The following PCDHA5 variants were observed in gnomAD, a reference collection of about 807,000 sequenced individuals.
PCDHA5 encodes protocadherin alpha 5.
Under a neutral mutation model 61.6 loss-of-function variants are expected in PCDHA5, and 43 were observed. That is an observed-to-expected ratio of 0.70 (90% confidence interval 0.55 to 0.90). PCDHA5 has a LOEUF of 0.90. PCDHA5 is among the 40% of genes least tolerant of loss of function. PCDHA5 has a pLI of 0.00. For synonymous variants in PCDHA5, 627 were observed against 543.9 expected, an observed-to-expected ratio of 1.15 and a Z score of -2.13; for missense variants, 1,298 against 1,222.7, an observed-to-expected ratio of 1.06 and a Z score of -0.92.
At chr5:140,875,894 C>T in intron 1 of PCDHA5, 1 of 1,614,170 alleles carries the variant, frequency 6.2e-7, no homozygotes, top group Non-Finnish European at 8.5e-7. Context: ...CAAAAGGTAC[C>T]TGTTTCTGAA....
intron 1 of PCDHA5, chr5:140,835,064 A>G (rs2150230368): frequency 1.6e-6 from 2 of 1,216,012 alleles, no homozygotes; most frequent in East Asian, 2.6e-5. Flanking sequence ...GCACCGTTCA[A>G]TTACTCATCA....
At chr5:140,884,020 G>A (rs61734917) in intron 1 of PCDHA5, 5 of 1,613,174 alleles carry the variant, frequency 3.1e-6, no homozygotes, top group East Asian at 2.2e-5. Flanking sequence ...TGCCGCGGTC[G>A]GTGGGTGCAG....
rs371368253 is a variant in PCDHA5, at chr5:140,871,153, G to C, written c.2352+47026G>C. 77 of 1,613,298 alleles carry C rather than the reference G, an allele frequency of 4.8e-5. No homozygotes were observed. The African/African-American group carries it at 9.2e-4, about 19-fold the overall frequency. On this transcript the variant is annotated intron_variant, in intron 1 of 3. Transcript: ENST00000529859. ...AAAGGCCTCTTCCCGGACTTTGGCG[G>C]GCGCCGCGAGCCCAGAGGCTGCGCT...
chr5:140,984,878 C>G (rs2097124872), intron 3 of PCDHA5, among the ~76,000 whole-genome samples: 1 of 151,854 alleles, frequency 6.6e-6, no homozygotes, highest in African/African-American at 2.4e-5. Flanking sequence ...ATTGAGTTAC[C>G]ATGAGAACTA....
Position 140,848,391 on chromosome 5 carries a change from G to A in PCDHA5, c.2352+24264G>A. ...GGCTCAATTCTTTTTCACTCTCTCTGTGCTGAACGATGGCGAACACAGCAG... is the reference window on the plus strand; with the variant it reads ...GGCTCAATTCTTTTTCACTCTCTCTATGCTGAACGATGGCGAACACAGCAG... On this transcript the variant is annotated intron_variant, in intron 1 of 3. Coordinates refer to ENST00000529859, the MANE Select transcript of PCDHA5 (RefSeq NM_018908.3). The A allele has an allele frequency of 2.4e-6, 3 of 1,246,922 alleles. No homozygotes were observed. In the South Asian group the frequency reaches 4.3e-5, roughly 18 times the overall value. 77.2% of individuals were successfully genotyped at this position (1,246,922 alleles called of 1,614,324 possible).
chr5:140,841,459 C>T, intron 1 of PCDHA5: 2 of 1,612,886 alleles, frequency 1.2e-6, no homozygotes, highest in South Asian at 1.1e-5. Context: ...CCTTCGTGGG[C>T]CGGATCGCGC....
intron 1 of PCDHA5, chr5:140,871,249 C>A (rs782675743): frequency 8.1e-6 from 13 of 1,613,984 alleles, no homozygotes; most frequent in South Asian, 1.1e-5. Flanking sequence ...CACGCTGCTG[C>A]TGTATACGGC....
chr5:140,885,792 C>T (rs2060715375), intron 1 of PCDHA5, among the ~76,000 whole-genome samples: 1 of 151,834 alleles, frequency 6.6e-6, no homozygotes, highest in Non-Finnish European at 1.5e-5. Context: ...AGCATATTGT[C>T]ATATGTATTT....
chr5:140,851,954 GGT>G, intron 1 of PCDHA5: 1 of 974,722 alleles, frequency 1.0e-6, no homozygotes, highest in Non-Finnish European at 1.2e-6. Flanking sequence ...CTTTCAAAAT[GGT>G]GGTTTTCCAC....
At position 140,823,178 on chromosome 5, in the gene PCDHA5, C is replaced by G; in HGVS notation, c.1403C>G (p.Pro468Arg). 2 of 1,613,864 alleles carry G rather than the reference C, an allele frequency of 1.2e-6. No homozygotes were observed. The highest frequency in any genetic ancestry group is 2.2e-5 in the South Asian group (2 of 91,076). The change falls in exon 1 of 4, where the codon CCG becomes CGG. Residue 468 changes from proline (P) to arginine (R), a missense_variant. By Grantham distance (103) the Pro-to-Arg change is moderately radical. Coordinates refer to ENST00000529859, the MANE Select transcript of PCDHA5 (RefSeq NM_018908.3). ...QYTVFVKENN[P>R]PGCHIFTVSA... The stretch of plus-strand genomic sequence containing the variant: ...ACCGTGTTCGTGAAGGAGAACAACC[C>G]GCCAGGCTGCCACATCTTCACGGTG...
intron 1 of PCDHA5, chr5:140,849,556 C>T: frequency 6.3e-7 from 1 of 1,598,518 alleles, no homozygotes; most frequent in Non-Finnish European, 8.6e-7. Context: ...ACTATCAAAA[C>T]GCTCTCGGTT....
At position 140,927,603 on chromosome 5, in the gene PCDHA5, A is replaced by G. The variant is rs538616533; in HGVS notation, c.2353-51346A>G. On this transcript the variant is annotated intron_variant, in intron 1 of 3. Coordinates refer to ENST00000529859, the MANE Select transcript of PCDHA5 (RefSeq NM_018908.3). ...ACGCGCCTGTATTTGAGCGCTCCGT[A>G]TACCGCACCAAGGTTCCAGAGACTG... 8.1e-6 allele frequency: 13 copies of G among 1,614,190 alleles called. No homozygotes were observed. In the Admixed American group the frequency reaches 1.2e-4, roughly 14 times the overall value.
chr5:140,991,588 C>T (rs1252872687), intron 3 of PCDHA5, among the ~76,000 whole-genome samples: 3 of 152,212 alleles, frequency 2.0e-5, no homozygotes, highest in African/African-American at 7.2e-5. Flanking sequence ...TTATTTCTAC[C>T]TGAGCCCTCA....
intron 3 of PCDHA5, among the ~76,000 whole-genome samples, chr5:140,993,462 TCA>T (rs3836747): frequency 0.093 from 13,122 of 140,864 alleles, 629 homozygotes; most frequent in African/African-American, 0.12. Flanking sequence ...TCTTTCTTTC[TCA>T]CACACACACA....
At chr5:140,875,430 C>G in intron 1 of PCDHA5, 1 of 1,557,170 alleles carries the variant, frequency 6.4e-7, no homozygotes. Context: ...CAAGCGATCC[C>G]TTAAAACTGA....
At position 140,950,404 on chromosome 5, in the gene PCDHA5, T is replaced by C. The variant is rs947428237; in HGVS notation, c.2353-28545T>C. ...TTGAATGATATAGAATTCTGGGGGATTGACAGATTTTATTTTCTTCCACTT... is the reference window on the plus strand; with the variant it reads ...TTGAATGATATAGAATTCTGGGGGACTGACAGATTTTATTTTCTTCCACTT... On this transcript the variant is annotated intron_variant, in intron 1 of 3. Coordinates refer to ENST00000529859, the MANE Select transcript of PCDHA5 (RefSeq NM_018908.3). 2.0e-5 allele frequency among the ~76,000 whole-genome samples: 3 copies of C among 152,044 alleles called. 1 individual carries two copies. Among genetic ancestry groups the C allele is most frequent in the East Asian group, 1.9e-4 (1 of 5,204 alleles).
At chr5:140,897,356 C>T (rs1554187343) in intron 1 of PCDHA5, among the ~76,000 whole-genome samples, 1 of 134,770 alleles carries the variant, frequency 7.4e-6, no homozygotes, top group African/African-American at 2.8e-5. Flanking sequence ...ACAACTGTCC[C>T]CAGAGTGTGA....
At chr5:140,943,063 C>T (rs1461337774) in intron 1 of PCDHA5, among the ~76,000 whole-genome samples, 1 of 151,748 alleles carries the variant, frequency 6.6e-6, no homozygotes, top group Admixed American at 6.6e-5. Context: ...TCAAGAACAG[C>T]CTGACCAACA....
At chr5:140,837,655 T>G (rs1323533582) in intron 1 of PCDHA5, among the ~76,000 whole-genome samples, 2 of 151,204 alleles carry the variant, frequency 1.3e-5, no homozygotes, top group Admixed American at 1.3e-4. Flanking sequence ...CTTTCTTCCT[T>G]TTTCTTTCAT....
Sources: gnomAD v4.1 joint callset for allele counts (sites outside exome capture counted in the v4.1 genomes callset) on GRCh38, gnomAD v4.1.1 for gene constraint, MANE v1.5 for transcripts, NCBI Gene and HGNC (gene_info 2026-07-23, HGNC 2026-07-21) for gene names.